Variants in FBLN7 observed in about 807,000 individuals in gnomAD.
FBLN7 encodes fibulin 7.
FBLN7 carries 31 observed loss-of-function variants against 44.0 expected under a neutral mutation model. That is an observed-to-expected ratio of 0.70 (90% confidence interval 0.53 to 0.95). The LOEUF is 0.95. FBLN7 is among the 40% of genes least tolerant of loss of function. The pLI, the probability that FBLN7 is intolerant of heterozygous loss-of-function variation, is 0.00. For synonymous variants in FBLN7, 262 were observed against 253.4 expected, an observed-to-expected ratio of 1.03 and a Z score of -0.32; for missense variants, 573 against 618.5, an observed-to-expected ratio of 0.93 and a Z score of 0.78.
chr2:112,159,533 G>C, intron 1 of FBLN7, 143 bp from the exon 2 acceptor site: 1 of 938,370 alleles, frequency 1.1e-6, no homozygotes, highest in Non-Finnish European at 1.5e-6. Flanking sequence ...GGGCTGTCCA[G>C]CGGCAGGTCA....
At chr2:112,184,387 G>A (rs1683146092) in intron 6 of FBLN7, among the ~76,000 whole-genome samples, 1 of 152,144 alleles carries the variant, frequency 6.6e-6, no homozygotes, top group Admixed American at 6.5e-5. Flanking sequence ...AGGAGTGGGT[G>A]ACCTGGGGCT....
chr2:112,160,087 T>C (rs926012413), intron 2 of FBLN7, among the ~76,000 whole-genome samples: 9 of 152,014 alleles, frequency 5.9e-5, no homozygotes, highest in Admixed American at 1.3e-4. Flanking sequence ...GCCTCCCGGG[T>C]TCACGCCATT....
intron 3 of FBLN7, among the ~76,000 whole-genome samples, chr2:112,170,497 A>G (rs1682402548): frequency 6.6e-6 from 1 of 151,474 alleles, no homozygotes; most frequent in African/African-American, 2.4e-5. Context: ...ACTGCACTCC[A>G]GCCTGGGTGA....
At chr2:112,149,207 T>G (rs1681025919) in intron 1 of FBLN7, among the ~76,000 whole-genome samples, 1 of 152,086 alleles carries the variant, frequency 6.6e-6, no homozygotes, top group Non-Finnish European at 1.5e-5. Context: ...AGAATGGAAG[T>G]CCCCTTGCTC....
At chr2:112,238,527 A>C in the FBLN7 span, 1 of 1,592,664 alleles carries the variant, frequency 6.3e-7, no homozygotes, top group Non-Finnish European at 8.5e-7. Context: ...AGAGTGTCTA[A>C]ACTAAGTAAA....
At chr2:112,223,851 A>C in the FBLN7 span, among the ~76,000 whole-genome samples, 1 of 152,352 alleles carries the variant, frequency 6.6e-6, no homozygotes, top group East Asian at 1.9e-4. Context: ...AATCAATATA[A>C]GGAATAAAGG....
the FBLN7 span, among the ~76,000 whole-genome samples, chr2:112,223,621 T>C: frequency 3.9e-5 from 6 of 152,280 alleles, no homozygotes; most frequent in South Asian, 1.2e-3. Flanking sequence ...GAAAAATGTA[T>C]AGGTTTAGAT....
chr2:112,192,752 T>A (rs2104620704), downstream of FBLN7, among the ~76,000 whole-genome samples: 1 of 152,336 alleles, frequency 6.6e-6, no homozygotes, highest in South Asian at 2.1e-4. Flanking sequence ...AAGCTCTCAC[T>A]GCAGGGATGG....
At chr2:112,236,785 G>T in the FBLN7 span, 1 of 1,174,906 alleles carries the variant, frequency 8.5e-7, no homozygotes, top group Non-Finnish European at 1.2e-6. Flanking sequence ...AGTGGCTCAT[G>T]TCTGTAATCC....
chr2:112,175,854 T>A lies in FBLN7; in HGVS notation c.532+15T>A. On this transcript the variant is annotated intron_variant, in intron 4 of 7. Coordinates refer to ENST00000331203, the MANE Select transcript of FBLN7 (RefSeq NM_153214.3). Reference sequence around the variant, plus strand: ...GGCCCAGACTGGTATGTAGCCACCATGGGGTTAGGTGAGGACATCCTGCTG... The same window carrying A: ...GGCCCAGACTGGTATGTAGCCACCAAGGGGTTAGGTGAGGACATCCTGCTG... 1 of 1,612,774 alleles carries A rather than the reference T, an allele frequency of 6.2e-7. No individual in the cohort carries two copies. The highest frequency in any genetic ancestry group is 8.5e-7 in the Non-Finnish European group (1 of 1,179,078).
rs968508189 is a variant in FBLN7 at position 112,187,654 on chromosome 2, C to A, written c.*148C>A. The A allele has an allele frequency of 7.4e-6, 8 of 1,088,208 alleles. No homozygotes were observed. Among genetic ancestry groups the A allele is most frequent in the African/African-American group, 6.3e-5 (4 of 63,648 alleles). 67.4% of individuals were successfully genotyped at this position (1,088,208 alleles called of 1,614,324 possible). On this transcript the variant is annotated 3_prime_UTR_variant, in exon 8 of 8. Coordinates refer to ENST00000331203, the MANE Select transcript of FBLN7 (RefSeq NM_153214.3). This position sits in a 1 kb window ranked among gnomAD's most constrained non-coding sequence, Gnocchi z 5.1. ...GCTTCTAGGGCAGCGTTGCACGGCG[C>A]CCCATGGAATAGCACGGAAGAGCAG... is the stretch of plus-strand genomic sequence containing the variant.
chr2:112,161,918 A>C (rs1337361264), intron 2 of FBLN7, among the ~76,000 whole-genome samples: 1 of 152,250 alleles, frequency 6.6e-6, no homozygotes, highest in Non-Finnish European at 1.5e-5. Context: ...GAGGACAGGC[A>C]GCTGTCAGGA....
At chr2:112,144,439 T>C (rs1023980832) in intron 1 of FBLN7, among the ~76,000 whole-genome samples, 1 of 152,196 alleles carries the variant, frequency 6.6e-6, no homozygotes, top group South Asian at 2.1e-4. Context: ...ATAAGAAAAT[T>C]AACTTCGTAT....
chr2:112,185,664 TACCCTGATAA>T (rs1382572935), intron 7 of FBLN7, among the ~76,000 whole-genome samples: 1 of 152,120 alleles, frequency 6.6e-6, no homozygotes, highest in African/African-American at 2.4e-5. Context: ...TTGGTGACAT[TACCCTGATAA>T]ACCCATAGCA....
chr2:112,171,861 C>T (rs1017627307), intron 3 of FBLN7, among the ~76,000 whole-genome samples: 1 of 152,172 alleles, frequency 6.6e-6, no homozygotes, highest in Non-Finnish European at 1.5e-5. Flanking sequence ...ATTCTCCTGC[C>T]TCAGCCTCCC....
At chr2:112,240,952 AGTGTGTGTGT>A in the FBLN7 span, among the ~76,000 whole-genome samples, 29 of 142,714 alleles carry the variant, frequency 2.0e-4, no homozygotes, top group East Asian at 1.0e-3. Context: ...TACAGGTAAC[AGTGTGTGTGT>A]GTGTGTGTGT....
At chr2:112,232,843 A>G in the FBLN7 span, among the ~76,000 whole-genome samples, 2 of 152,340 alleles carry the variant, frequency 1.3e-5, no homozygotes, top group Non-Finnish European at 2.9e-5. Flanking sequence ...AGCTAAGGCT[A>G]TTCTGCAAAT....
At chr2:112,183,682 A>G (rs1305584290) in intron 6 of FBLN7, among the ~76,000 whole-genome samples, 1 of 152,136 alleles carries the variant, frequency 6.6e-6, no homozygotes, top group African/African-American at 2.4e-5. Context: ...ATGGAAAATA[A>G]CTGGCTCAGG....
At chr2:112,230,926 A>G in the FBLN7 span, 2 of 1,276,902 alleles carry the variant, frequency 1.6e-6, no homozygotes, top group Non-Finnish European at 2.1e-6. Flanking sequence ...TTTTATTTAC[A>G]TGACTTCTTT....
Sources: gnomAD v4.1 joint callset for allele counts (sites outside exome capture counted in the v4.1 genomes callset) on GRCh38, gnomAD v4.1.1 for gene constraint, Gnocchi (gnomAD v3.1) non-coding constraint, MANE v1.5 for transcripts, NCBI Gene and HGNC (gene_info 2026-07-23, HGNC 2026-07-21) for gene names.